Variants in WDR4 observed in about 807,000 individuals in gnomAD.
WDR4 encodes the protein tRNA (guanine-N(7)-)-methyltransferase non-catalytic subunit WDR4.
In WDR4, 47 loss-of-function variants were observed where a neutral mutation model predicts 48.6. That is an observed-to-expected ratio of 0.97 (90% CI 0.77 to 1.23). WDR4 has a LOEUF of 1.23. WDR4 is among the 50% of genes most tolerant of loss of function. The pLI, the probability that WDR4 is intolerant of heterozygous loss-of-function variation, is 0.00. For missense variants in WDR4, 606 were observed against 551.6 expected (o/e 1.10, Z -0.99); for synonymous variants, 268 against 230.0 (o/e 1.17, Z -1.49).
chr21:42,882,690 C>T (rs181403708), upstream of WDR4, among the ~76,000 whole-genome samples: 1 of 152,102 alleles, frequency 6.6e-6, no homozygotes, highest in South Asian at 2.1e-4. Flanking sequence ...AGGCCAGGCA[C>T]GGTGACTCAC....
the WDR4 span, among the ~76,000 whole-genome samples, chr21:42,892,538 G>A: frequency 7.5e-6 from 1 of 133,890 alleles, no homozygotes; most frequent in Non-Finnish European, 1.6e-5. Context: ...CTGTGGCAGG[G>A]CCTCTTCCCC....
intron 8 of WDR4, 131 bp from the exon 9 acceptor site, chr21:42,853,883 G>A (rs2057911388): frequency 2.0e-6 from 2 of 1,009,982 alleles, no homozygotes; most frequent in Non-Finnish European, 2.8e-6. Flanking sequence ...AGCCCCAGCT[G>A]CGCCACTCCC....
the WDR4 span, among the ~76,000 whole-genome samples, chr21:42,890,688 T>TACA: frequency 1.6e-4 from 25 of 152,326 alleles, no homozygotes; most frequent in Non-Finnish European, 3.1e-4. Context: ...TTGCTAGAGC[T>TACA]ACAGGCAGAG....
At chr21:42,845,021 C>G (rs2057698756), downstream of WDR4, among the ~76,000 whole-genome samples, 1 of 152,196 alleles carries the variant, frequency 6.6e-6, no homozygotes, top group Admixed American at 6.5e-5. Flanking sequence ...GGGCCCAGCC[C>G]AGGGTCACAC....
At chr21:42,889,024 C>T in the WDR4 span, among the ~76,000 whole-genome samples, 501 of 148,826 alleles carry the variant, frequency 3.4e-3, no homozygotes, top group Non-Finnish European at 5.0e-3. Flanking sequence ...TCTTTGATTG[C>T]ATCTGATCTT....
the WDR4 span, among the ~76,000 whole-genome samples, chr21:42,885,552 T>G: frequency 6.6e-6 from 1 of 151,912 alleles, no homozygotes; most frequent in African/African-American, 2.4e-5. Context: ...GAGGTTGCAG[T>G]GAGCTGAGAT....
chr21:42,855,864 C>A, intron 6 of WDR4, 84 bp from the exon 7 acceptor site: 1 of 1,141,652 alleles, frequency 8.8e-7, no homozygotes, highest in South Asian at 1.8e-5. Context: ...TGCGTGTGGT[C>A]GGGGTTCCAC....
At chr21:42,889,970 G>A in the WDR4 span, among the ~76,000 whole-genome samples, 1 of 152,076 alleles carries the variant, frequency 6.6e-6, no homozygotes, top group Non-Finnish European at 1.5e-5. Flanking sequence ...GTAACCTAGT[G>A]CTTTAGGAGG....
rs774027904 is a variant in WDR4 at position 42,863,422 on chromosome 21, A to G, written c.453+18T>C. On this transcript the variant is annotated intron_variant, in intron 4 of 10. Coordinates refer to ENST00000398208, the MANE Select transcript of WDR4 (RefSeq NM_018669.6). The stretch of plus-strand genomic sequence containing the variant: ...CCCACACCTGCCATGTCCCCCACCT[A>G]CCACGTCCCCCACCTACCACATCTA... 6.3e-7 allele frequency: 1 copy of G among 1,591,492 alleles called. No individual in the cohort carries two copies. Among genetic ancestry groups the G allele is most frequent in the East Asian group, 2.3e-5 (1 of 44,138 alleles).
chr21:42,864,697 C>T (rs931430529), intron 3 of WDR4, among the ~76,000 whole-genome samples: 1 of 152,208 alleles, frequency 6.6e-6, no homozygotes, highest in Non-Finnish European at 1.5e-5. Context: ...GAACCAAAGT[C>T]ACAGTTCGCT....
chr21:42,844,488 G>A (rs1213269395), downstream of WDR4, among the ~76,000 whole-genome samples: 1 of 152,228 alleles, frequency 6.6e-6, no homozygotes, highest in Non-Finnish European at 1.5e-5. Flanking sequence ...TCCGAGAACG[G>A]AGGCGCTGAG....
intron 1 of WDR4, 165 bp downstream of exon 1, chr21:42,879,242 C>A: frequency 7.5e-7 from 1 of 1,335,742 alleles, no homozygotes. Flanking sequence ...GGCGCAGAGA[C>A]GCGGCCAGGC....
upstream of WDR4, among the ~76,000 whole-genome samples, chr21:42,882,440 G>T (rs1179559057): frequency 6.7e-6 from 1 of 150,328 alleles, no homozygotes; most frequent in Non-Finnish European, 1.5e-5. Flanking sequence ...GCATGCACCT[G>T]TAATCCCAGC....
chr21:42,873,646 G>A lies in WDR4; in HGVS notation c.201C>T (p.Ser67=). 1 of 1,614,176 alleles carries A rather than the reference G, an allele frequency of 6.2e-7. No individual in the cohort carries two copies. Among genetic ancestry groups the A allele is most frequent in the South Asian group, 1.1e-5 (1 of 91,072 alleles). Residue 67 remains serine, a synonymous_variant, in exon 3 of 11, where the codon TCC becomes TCT. Transcript: ENST00000398208. ...LDQGSGAILA[S]TFSKSGSYFA... ...AATAGCTGCCAGACTTGGAGAAGGT[G>A]GACGCCAGAATCGCACCGCTCCCCT... is the stretch of plus-strand genomic sequence containing the variant.
At chr21:42,884,575 A>G in the WDR4 span, among the ~76,000 whole-genome samples, 3 of 151,300 alleles carry the variant, frequency 2.0e-5, no homozygotes, top group African/African-American at 7.3e-5. Flanking sequence ...TGAACCCGGG[A>G]GGCAGAGGTT....
At chr21:42,874,430 G>T (rs1002958059) in intron 2 of WDR4, among the ~76,000 whole-genome samples, 1 of 152,162 alleles carries the variant, frequency 6.6e-6, no homozygotes, top group Non-Finnish European at 1.5e-5. Flanking sequence ...CCTTGAAAAA[G>T]AACAGGATAA....
intron 2 of WDR4, among the ~76,000 whole-genome samples, chr21:42,875,076 C>T (rs1277563568): frequency 6.6e-6 from 1 of 152,154 alleles, no homozygotes; most frequent in African/African-American, 2.4e-5. Flanking sequence ...ATTTCTCAAA[C>T]CGGCCGACGC....
At chr21:42,855,061 C>T (rs1345434232) in intron 7 of WDR4, among the ~76,000 whole-genome samples, 3 of 151,334 alleles carry the variant, frequency 2.0e-5, no homozygotes, top group Non-Finnish European at 1.5e-5. Context: ...GAGCCTGAGG[C>T]GGAGGTTGCT....
Position 42,849,778 on chromosome 21 carries a change from C to G in WDR4, c.*271G>C. The G allele has an allele frequency of 2.5e-6, 1 of 392,376 alleles. No individual in the cohort carries two copies. The highest frequency in any genetic ancestry group is 4.1e-5 in the South Asian group (1 of 24,210). The allele number at this position is 392,376 out of a possible 1,614,324, so 24.3% of individuals were successfully genotyped here. A position where few individuals can be genotyped will look rare whatever the true frequency, so the allele number is the denominator to read the frequency against. ...CAGCTGCCGCCACCACCGGCTCACA[C>G]GCAGCCTCCGACATGAAAAGAAAGT... On this transcript the variant is annotated 3_prime_UTR_variant, in exon 11 of 11. Coordinates refer to ENST00000398208, the MANE Select transcript of WDR4 (RefSeq NM_018669.6).
Sources: allele counts gnomAD v4.1 joint callset (sites outside exome capture counted in the v4.1 genomes callset), GRCh38; gene constraint gnomAD v4.1.1; transcripts MANE v1.5; gene names NCBI Gene and HGNC (gene_info 2026-07-23, HGNC 2026-07-21).